The following SLC9A9 variants were observed in gnomAD, a reference collection of about 807,000 sequenced individuals.
The protein encoded by SLC9A9 is sodium/hydrogen exchanger 9.
SLC9A9 carries 62 observed loss-of-function variants against 77.8 expected under a neutral mutation model. The ratio of observed to expected loss-of-function variants is 0.80; its 90% confidence interval spans 0.65 to 0.98. The LOEUF is 0.98. SLC9A9 is among the 50% of genes least tolerant of loss of function. The pLI is 0.00. For missense variants in SLC9A9, 775 were observed against 774.9 expected (o/e 1.00, Z 0.00); for synonymous variants, 320 against 283.5 (o/e 1.13, Z -1.29).
At chr3:143,835,861 C>T (rs1043656807) in intron 1 of SLC9A9, among the ~76,000 whole-genome samples, 14 of 152,350 alleles carry the variant, frequency 9.2e-5, no homozygotes, top group African/African-American at 3.4e-4. Context: ...GTGCAAACAG[C>T]CCTGGCCCCA....
intron 4 of SLC9A9, among the ~76,000 whole-genome samples, chr3:143,751,447 C>G (rs1436738364): frequency 6.6e-6 from 1 of 152,168 alleles, no homozygotes; most frequent in Non-Finnish European, 1.5e-5. Flanking sequence ...GGAGGGCATG[C>G]TGCTTTCCAG....
intron 9 of SLC9A9, among the ~76,000 whole-genome samples, chr3:143,542,566 C>T (rs2036707316): frequency 6.6e-6 from 1 of 152,120 alleles, no homozygotes; most frequent in Non-Finnish European, 1.5e-5. Flanking sequence ...ATCAATAAGG[C>T]ATGGACACAC....
intron 14 of SLC9A9, among the ~76,000 whole-genome samples, chr3:143,319,458 T>C (rs917782242): frequency 2.6e-5 from 4 of 152,206 alleles, no homozygotes; most frequent in Non-Finnish European, 2.9e-5. Flanking sequence ...GAGCTCTACC[T>C]AATGTAAATG....
chr3:143,750,065 C>A (rs992844668), intron 4 of SLC9A9, among the ~76,000 whole-genome samples: 5 of 152,066 alleles, frequency 3.3e-5, no homozygotes, highest in African/African-American at 1.2e-4. Context: ...AAGCTCCGGG[C>A]AGACACAGAG....
chr3:143,511,477 A>C (rs1261132291), intron 9 of SLC9A9, among the ~76,000 whole-genome samples: 1 of 152,054 alleles, frequency 6.6e-6, no homozygotes, highest in East Asian at 1.9e-4. Context: ...TTCTTTTTTG[A>C]AGTTGGAATT....
chr3:143,417,932 A>T (rs561568146), intron 12 of SLC9A9, among the ~76,000 whole-genome samples: 2 of 151,982 alleles, frequency 1.3e-5, no homozygotes, highest in African/African-American at 4.8e-5. Flanking sequence ...AAAGAGCCTC[A>T]TTCCATGCAC....
intron 4 of SLC9A9, among the ~76,000 whole-genome samples, chr3:143,694,260 C>T (rs980038204): frequency 9.2e-5 from 14 of 151,942 alleles, no homozygotes; most frequent in African/African-American, 2.9e-4. Flanking sequence ...TTTTAAATTA[C>T]GTTAAAAAAA....
chr3:143,846,352 T>C (rs1182946602), intron 1 of SLC9A9, among the ~76,000 whole-genome samples: 1 of 152,248 alleles, frequency 6.6e-6, no homozygotes, highest in Non-Finnish European at 1.5e-5. Context: ...ACATTGTTTC[T>C]GGCTTCTCAG....
At chr3:143,269,288 G>C (rs1230877653) in intron 14 of SLC9A9, among the ~76,000 whole-genome samples, 2 of 152,148 alleles carry the variant, frequency 1.3e-5, no homozygotes, top group African/African-American at 2.4e-5. Flanking sequence ...GCATTCTTAA[G>C]AATTACCTTA....
At chr3:143,309,417 C>CAAA (rs10569058) in intron 14 of SLC9A9, among the ~76,000 whole-genome samples, 1 of 137,304 alleles carries the variant, frequency 7.3e-6, no homozygotes, top group Non-Finnish European at 1.6e-5. Context: ...AACAGAAAAG[C>CAAA]AAAAAAAAAA....
rs953744220 is a variant in SLC9A9 at position 143,493,533 on chromosome 3, G to T, written c.1315+120C>A. The T allele has an allele frequency of 3.0e-5, 25 of 822,196 alleles. No homozygotes were observed. In the South Asian group the frequency reaches 3.6e-4, roughly 12 times the overall value. 50.9% of individuals were successfully genotyped at this position (822,196 alleles called of 1,614,324 possible). On this transcript the variant is annotated intron_variant, in intron 11 of 15. Coordinates refer to ENST00000316549, the MANE Select transcript of SLC9A9 (RefSeq NM_173653.4). Reference sequence around the variant, plus strand: ...TTACGGAGAATCAGCATAGTGTTAGGTACAATGGGATAAAGAGAAGTTGTT... The same window carrying T: ...TTACGGAGAATCAGCATAGTGTTAGTTACAATGGGATAAAGAGAAGTTGTT...
intron 5 of SLC9A9, among the ~76,000 whole-genome samples, chr3:143,668,527 C>T (rs1449762963): frequency 1.3e-5 from 2 of 152,030 alleles, no homozygotes; most frequent in Non-Finnish European, 2.9e-5. Context: ...TAAAAAACCA[C>T]CTCCCAATAA....
chr3:143,428,809 A>C (rs577917862), intron 12 of SLC9A9, among the ~76,000 whole-genome samples: 1 of 152,236 alleles, frequency 6.6e-6, no homozygotes, highest in African/African-American at 2.4e-5. Flanking sequence ...AGGACATTAC[A>C]TTAAGGTAAA....
At chr3:143,596,175 C>G (rs561798127) in intron 6 of SLC9A9, among the ~76,000 whole-genome samples, 3 of 152,224 alleles carry the variant, frequency 2.0e-5, no homozygotes, top group Non-Finnish European at 2.9e-5. Context: ...AATACATACT[C>G]TAAAGCTTTA....
chr3:143,277,830 G>C (rs938047242), intron 14 of SLC9A9, among the ~76,000 whole-genome samples: 1 of 152,158 alleles, frequency 6.6e-6, no homozygotes, highest in African/African-American at 2.4e-5. Flanking sequence ...TTGGAGAAAT[G>C]AACTCTGAGA....
chr3:143,579,461 A>T (rs956781700), intron 6 of SLC9A9, among the ~76,000 whole-genome samples: 1 of 152,170 alleles, frequency 6.6e-6, no homozygotes, highest in Non-Finnish European at 1.5e-5. Flanking sequence ...TATTTTTTTT[A>T]AAACCAGGGC....
intron 4 of SLC9A9, among the ~76,000 whole-genome samples, chr3:143,774,803 C>T (rs1174097652): frequency 6.6e-6 from 1 of 152,148 alleles, no homozygotes; most frequent in East Asian, 1.9e-4. Flanking sequence ...TCTCTACAAG[C>T]CCACACCACA....
At chr3:143,330,596 T>C (rs772178175) in intron 14 of SLC9A9, among the ~76,000 whole-genome samples, 1 of 152,228 alleles carries the variant, frequency 6.6e-6, no homozygotes, top group Non-Finnish European at 1.5e-5. Flanking sequence ...GTCAAACACA[T>C]ACTGTTTCCT....
chr3:143,524,178 T>C (rs1388860491), intron 9 of SLC9A9, among the ~76,000 whole-genome samples: 12 of 35,222 alleles, frequency 3.4e-4, no homozygotes, highest in African/African-American at 9.4e-4. Context: ...ACACTGAAGA[T>C]AGAAAAAAAA....
Sources: gnomAD v4.1 joint callset for allele counts (sites outside exome capture counted in the v4.1 genomes callset) on GRCh38, gnomAD v4.1.1 for gene constraint, MANE v1.5 for transcripts, NCBI Gene and HGNC (gene_info 2026-07-23, HGNC 2026-07-21) for gene names.